OCA2: variants seen among roughly 807,000 people sequenced by gnomAD.
OCA2 encodes the protein P protein.
OCA2 carries 77 observed loss-of-function variants against 100.2 expected under a neutral mutation model. That is an observed-to-expected ratio of 0.77 (90% CI 0.64 to 0.93). The LOEUF (loss-of-function observed/expected upper bound fraction) is 0.93. Ranked by LOEUF, OCA2 falls within the 40% of genes least tolerant of loss-of-function variation. The pLI is 0.00. For missense variants in OCA2, 1,062 were observed against 1,089.1 expected, an observed-to-expected ratio of 0.98 and a Z score of 0.35; for synonymous variants, 432 against 439.2, an observed-to-expected ratio of 0.98 and a Z score of 0.21.
intron 9 of OCA2, among the ~76,000 whole-genome samples, chr15:28,009,630 G>A (rs2042183124): frequency 6.6e-6 from 1 of 151,820 alleles, no homozygotes; most frequent in South Asian, 2.1e-4. Context: ...GCAGGTTGCA[G>A]TGGGCTGAGA....
At chr15:28,055,833 G>A (rs939125077) in intron 2 of OCA2, among the ~76,000 whole-genome samples, 5 of 152,216 alleles carry the variant, frequency 3.3e-5, no homozygotes, top group Admixed American at 6.5e-5. Context: ...CAGGACAGAA[G>A]AAGCTGGGAA....
intron 9 of OCA2, among the ~76,000 whole-genome samples, chr15:27,994,983 T>C (rs1275408516): frequency 6.6e-6 from 1 of 152,092 alleles, no homozygotes; most frequent in Non-Finnish European, 1.5e-5. Context: ...TCAGACAAAA[T>C]AGACTGTAAG....
chr15:27,734,751 G>A, the OCA2 span, among the ~76,000 whole-genome samples: 2 of 152,188 alleles, frequency 1.3e-5, no homozygotes, highest in African/African-American at 2.4e-5. Flanking sequence ...GGCCACAGTG[G>A]CACCAAAAGT....
chr15:27,921,612 A>G (rs2703945), intron 19 of OCA2, among the ~76,000 whole-genome samples: 8,238 of 152,294 alleles, frequency 0.054, 764 homozygotes, highest in African/African-American at 0.19. Flanking sequence ...ATCCGTGTAT[A>G]AATTTTGACT....
chr15:27,756,875 G>T (rs1470671371), intron 23 of OCA2, among the ~76,000 whole-genome samples: 1 of 152,214 alleles, frequency 6.6e-6, no homozygotes, highest in Non-Finnish European at 1.5e-5. Flanking sequence ...CCTGGTGGGT[G>T]GTTTTGCCGT....
intron 9 of OCA2, among the ~76,000 whole-genome samples, chr15:27,997,066 A>G (rs1009527111): frequency 1.8e-4 from 18 of 101,102 alleles, no homozygotes; most frequent in African/African-American, 5.1e-4. Context: ...GGAAAGAAGG[A>G]AGGAAGGGAG....
intron 21 of OCA2, among the ~76,000 whole-genome samples, chr15:27,854,795 G>A (rs2035893046): frequency 6.6e-6 from 1 of 152,166 alleles, no homozygotes; most frequent in Non-Finnish European, 1.5e-5. Context: ...GCACCATGCT[G>A]TTGGTGCAAA....
chr15:28,060,355 T>C (rs2043834777), intron 2 of OCA2, among the ~76,000 whole-genome samples: 1 of 152,246 alleles, frequency 6.6e-6, no homozygotes, highest in Non-Finnish European at 1.5e-5. Flanking sequence ...CTTGCTGCTA[T>C]GAATTTTATT....
intron 14 of OCA2, among the ~76,000 whole-genome samples, chr15:27,981,262 G>A (rs537520181): frequency 4.1e-4 from 63 of 152,180 alleles, no homozygotes; most frequent in Non-Finnish European, 6.3e-4. Context: ...CACTTTTAAT[G>A]TCCTAGTCTG....
chr15:27,841,301 G>T (rs2035333508), intron 23 of OCA2, among the ~76,000 whole-genome samples: 1 of 152,204 alleles, frequency 6.6e-6, no homozygotes, highest in African/African-American at 2.4e-5. Context: ...GGTAGAGGTG[G>T]GAGGGATGCA....
Position 28,018,388 on chromosome 15 carries a change from C to A in OCA2, c.807+9G>T. 6.2e-7 allele frequency: 1 copy of A among 1,613,558 alleles called. No homozygotes were observed. The highest frequency in any genetic ancestry group is 8.5e-7 in the Non-Finnish European group (1 of 1,179,646). On this transcript the variant is annotated intron_variant, in intron 7 of 23. Coordinates refer to ENST00000354638, the MANE Select transcript of OCA2 (RefSeq NM_000275.3). ...TCACAATTCCTTTCAAATAAATTAT[C>A]AGCATAACCTGCTGTGGCCGCCGCC...
intron 2 of OCA2, among the ~76,000 whole-genome samples, chr15:28,077,682 G>A (rs578219703): frequency 5.3e-5 from 8 of 152,246 alleles, no homozygotes; most frequent in South Asian, 4.1e-4. Context: ...GTAAAACTGC[G>A]ACTCACGTCC....
chr15:27,800,832 G>C (rs1267032729), intron 23 of OCA2, among the ~76,000 whole-genome samples: 1 of 152,028 alleles, frequency 6.6e-6, no homozygotes, highest in Non-Finnish European at 1.5e-5. Flanking sequence ...GCCAGGTGTG[G>C]TGGTACATGC....
intron 19 of OCA2, among the ~76,000 whole-genome samples, chr15:27,903,220 T>C (rs2038030281): frequency 6.6e-6 from 1 of 152,220 alleles, no homozygotes; most frequent in African/African-American, 2.4e-5. Context: ...GGCTTTCGCG[T>C]AAGTCCCGAC....
At chr15:27,845,743 G>A (rs1483242914) in intron 22 of OCA2, among the ~76,000 whole-genome samples, 4 of 152,154 alleles carry the variant, frequency 2.6e-5, no homozygotes, top group Admixed American at 1.3e-4. Flanking sequence ...GAACAGGCGC[G>A]TGATTTGGGC....
chr15:27,862,227 A>G (rs1405789618), intron 21 of OCA2, among the ~76,000 whole-genome samples: 1 of 151,356 alleles, frequency 6.6e-6, no homozygotes, highest in Non-Finnish European at 1.5e-5. Context: ...ACGGACAGAA[A>G]GCATGGTCGT....
chr15:27,843,935 A>G (rs117734725), intron 23 of OCA2, among the ~76,000 whole-genome samples: 2,839 of 152,232 alleles, frequency 0.019, 49 homozygotes, highest in Non-Finnish European at 0.025. Flanking sequence ...CCAAATCTTT[A>G]CCCGAGGCTG....
intron 23 of OCA2, among the ~76,000 whole-genome samples, chr15:27,780,154 A>G (rs1243011854): frequency 6.6e-6 from 1 of 152,184 alleles, no homozygotes; most frequent in Admixed American, 6.5e-5. Context: ...ATGTTTCCCT[A>G]AAACAACCAG....
intron 23 of OCA2, among the ~76,000 whole-genome samples, chr15:27,835,107 G>T (rs945707851): frequency 1.3e-5 from 2 of 152,182 alleles, no homozygotes; most frequent in African/African-American, 4.8e-5. Context: ...GAAAGATCAA[G>T]AAGGGCAGCA....
Sources: gnomAD v4.1 joint callset for allele counts (sites outside exome capture counted in the v4.1 genomes callset) on GRCh38, gnomAD v4.1.1 for gene constraint, MANE v1.5 for transcripts, NCBI Gene and HGNC (gene_info 2026-07-23, HGNC 2026-07-21) for gene names.